PDK1: variants seen among roughly 807,000 people sequenced by gnomAD.
PDK1 encodes [Pyruvate dehydrogenase (acetyl-transferring)] kinase isozyme 1, mitochondrial.
Under a neutral mutation model 54.2 loss-of-function variants are expected in PDK1, and 39 were observed. The ratio of observed to expected loss-of-function variants is 0.72; its 90% CI spans 0.56 to 0.94. The LOEUF is 0.94. Ranked by LOEUF, PDK1 falls within the 40% of genes least tolerant of loss-of-function variation. The probability of loss-of-function intolerance (pLI) is 0.00; values close to 1 mark genes in which losing one functional copy is unlikely to be tolerated. For synonymous variants in PDK1, 221 were observed against 207.1 expected (o/e 1.07, Z -0.58); for missense variants, 552 against 566.0 (o/e 0.98, Z 0.25).
chr2:172,693,511 T>A, the PDK1 span, among the ~76,000 whole-genome samples: 1 of 152,236 alleles, frequency 6.6e-6, no homozygotes, highest in South Asian at 2.1e-4. Flanking sequence ...TTGGTATATG[T>A]AAAATGCTTA....
chr2:172,634,843 A>G, the PDK1 span, among the ~76,000 whole-genome samples: 4 of 152,004 alleles, frequency 2.6e-5, no homozygotes, highest in African/African-American at 9.7e-5. Context: ...AACTCTAAGG[A>G]AACTTTACCC....
the PDK1 span, among the ~76,000 whole-genome samples, chr2:172,688,522 G>A: frequency 1.3e-5 from 2 of 152,160 alleles, no homozygotes; most frequent in African/African-American, 4.8e-5. Context: ...GACCACTCTT[G>A]GTAGCACTTG....
downstream of PDK1, among the ~76,000 whole-genome samples, chr2:172,612,449 G>A (rs1173123519): frequency 7.2e-5 from 11 of 152,022 alleles, no homozygotes; most frequent in East Asian, 2.1e-3. Flanking sequence ...ATGTCAAGAG[G>A]TTTTTTACAT....
the PDK1 span, among the ~76,000 whole-genome samples, chr2:172,682,069 A>G: frequency 6.6e-6 from 1 of 152,164 alleles, no homozygotes; most frequent in Non-Finnish European, 1.5e-5. Flanking sequence ...AGGAATTACA[A>G]TTTTAAATGA....
the PDK1 span, among the ~76,000 whole-genome samples, chr2:172,675,774 A>C: frequency 5.9e-5 from 9 of 152,330 alleles, no homozygotes; most frequent in African/African-American, 2.2e-4. Context: ...CTAAACAACA[A>C]ATTTTCAATT....
chr2:172,691,867 G>A, the PDK1 span, among the ~76,000 whole-genome samples: 16 of 152,320 alleles, frequency 1.1e-4, no homozygotes, highest in South Asian at 6.2e-4. Context: ...GAACAAAGCT[G>A]CTATAAACAT....
the PDK1 span, among the ~76,000 whole-genome samples, chr2:172,702,390 T>C: frequency 2.0e-5 from 3 of 151,842 alleles, no homozygotes; most frequent in Non-Finnish European, 4.4e-5. Context: ...GGCAGAAGAA[T>C]TGCTTGAAAC....
rs75156391 is a variant in PDK1 at position 172,588,123 on chromosome 2, A to G, written c.1056+1735A>G. ...CTTGCTCTAGTAATGTCCTTCTCCA[A>G]TTCAGATACATGCCCTCCAGGAGTT... is the stretch of plus-strand genomic sequence containing the variant. On this transcript the variant is annotated intron_variant, in intron 9 of 10. Transcript: ENST00000282077. Among the ~76,000 whole-genome samples the G allele has an allele frequency of 5.8e-3, 884 of 152,340 alleles. 6 individuals are homozygous for G. Among genetic ancestry groups the G allele is most frequent in the African/African-American group, 0.021 (853 of 41,570 alleles).
chr2:172,647,026 C>T, the PDK1 span, among the ~76,000 whole-genome samples: 2 of 152,050 alleles, frequency 1.3e-5, no homozygotes, highest in Non-Finnish European at 2.9e-5. Flanking sequence ...AGTGAACCAC[C>T]ATGCCCAGCC....
the PDK1 span, among the ~76,000 whole-genome samples, chr2:172,658,281 G>A: frequency 6.6e-6 from 1 of 152,170 alleles, no homozygotes; most frequent in Non-Finnish European, 1.5e-5. Context: ...AACATAAATT[G>A]TGAAGATTTC....
the PDK1 span, among the ~76,000 whole-genome samples, chr2:172,700,208 C>T: frequency 3.3e-5 from 5 of 152,268 alleles, no homozygotes; most frequent in East Asian, 9.6e-4. Flanking sequence ...CCCCACACTT[C>T]CCCCCTTTCT....
At chr2:172,675,265 G>A in the PDK1 span, among the ~76,000 whole-genome samples, 1 of 152,292 alleles carries the variant, frequency 6.6e-6, no homozygotes, top group East Asian at 1.9e-4. Flanking sequence ...GTGAAAGGAA[G>A]ATCTCACCTC....
At chr2:172,609,300 C>A (rs991657747), downstream of PDK1, among the ~76,000 whole-genome samples, 1 of 152,198 alleles carries the variant, frequency 6.6e-6, no homozygotes, top group African/African-American at 2.4e-5. Flanking sequence ...CGCTGCTGTA[C>A]ATTGGTCAGG....
the PDK1 span, among the ~76,000 whole-genome samples, chr2:172,663,333 C>T: frequency 1.3e-5 from 2 of 152,256 alleles, no homozygotes; most frequent in East Asian, 3.9e-4. Flanking sequence ...ATTCCTTTTC[C>T]AAATACAGTC....
intron 1 of PDK1, among the ~76,000 whole-genome samples, chr2:172,557,618 T>C (rs1343024719): frequency 1.5e-5 from 2 of 137,400 alleles, no homozygotes; most frequent in African/African-American, 6.6e-5. Context: ...CCCGTGTGTG[T>C]GTGTGTGTGT....
chr2:172,672,214 T>G, the PDK1 span, among the ~76,000 whole-genome samples: 1 of 152,174 alleles, frequency 6.6e-6, no homozygotes, highest in African/African-American at 2.4e-5. Context: ...TTAGTCATTC[T>G]CCTCCCTTTT....
intron 8 of PDK1, among the ~76,000 whole-genome samples, chr2:172,584,820 T>C (rs1690121437): frequency 6.8e-6 from 1 of 147,620 alleles, no homozygotes; most frequent in Non-Finnish European, 1.5e-5. Flanking sequence ...CACATCTGGG[T>C]AATTTTAAAG....
At chr2:172,693,552 T>C in the PDK1 span, among the ~76,000 whole-genome samples, 6 of 152,144 alleles carry the variant, frequency 3.9e-5, no homozygotes, top group African/African-American at 1.2e-4. Flanking sequence ...GCTATATGAG[T>C]GTTTGATTTT....
At chr2:172,582,952 ACTT>A (rs1689992357) in intron 8 of PDK1, among the ~76,000 whole-genome samples, 1 of 152,128 alleles carries the variant, frequency 6.6e-6, no homozygotes, top group Non-Finnish European at 1.5e-5. Context: ...GCTGGAAATG[ACTT>A]CTTATTTTGT....
Sources: allele counts gnomAD v4.1 joint callset (sites outside exome capture counted in the v4.1 genomes callset), GRCh38; gene constraint gnomAD v4.1.1; transcripts MANE v1.5; gene names NCBI Gene and HGNC (gene_info 2026-07-23, HGNC 2026-07-21).